The following ARHGAP42 variants were observed in gnomAD, a reference collection of about 807,000 sequenced individuals.
ARHGAP42 encodes Rho GTPase activating protein 42.
In ARHGAP42, 63 loss-of-function variants were observed where a neutral mutation model predicts 125.0. That is an observed-to-expected ratio of 0.50 (90% CI 0.41 to 0.62). The LOEUF (loss-of-function observed/expected upper bound fraction) is 0.62. ARHGAP42 is among the 20% of genes least tolerant of loss of function. ARHGAP42 has a pLI of 0.00. For missense variants in ARHGAP42, 766 were observed against 1,024.2 expected (o/e 0.75, Z 3.44); for synonymous variants, 339 against 351.0 (o/e 0.97, Z 0.38).
intron 10 of ARHGAP42, among the ~76,000 whole-genome samples, chr11:100,947,250 T>C (rs1868048142): frequency 6.6e-6 from 1 of 151,974 alleles, no homozygotes; most frequent in African/African-American, 2.4e-5. Context: ...TCCTAAATGG[T>C]TAAGACTACT....
At chr11:100,932,223 G>A (rs567405927) in intron 6 of ARHGAP42, among the ~76,000 whole-genome samples, 18 of 152,122 alleles carry the variant, frequency 1.2e-4, no homozygotes, top group African/African-American at 2.4e-4. Flanking sequence ...AGGTGGCTGC[G>A]TGTTATTTAC....
At chr11:100,888,529 A>G (rs1000773941) in intron 4 of ARHGAP42, among the ~76,000 whole-genome samples, 2 of 152,214 alleles carry the variant, frequency 1.3e-5, no homozygotes, top group African/African-American at 4.8e-5. Flanking sequence ...TTTTCTAAGT[A>G]CATATGGAAA....
intron 13 of ARHGAP42, among the ~76,000 whole-genome samples, chr11:100,960,202 G>A (rs576669915): frequency 6.7e-6 from 1 of 149,300 alleles, no homozygotes; most frequent in South Asian, 2.1e-4. Context: ...GAGAAGCCCT[G>A]CATTATTTAT....
At chr11:100,734,814 GT>G (rs1862031635) in intron 1 of ARHGAP42, among the ~76,000 whole-genome samples, 1 of 152,186 alleles carries the variant, frequency 6.6e-6, no homozygotes, top group South Asian at 2.1e-4. Context: ...GAAGCTGTCA[GT>G]TTTTTAATCT....
At chr11:100,730,153 A>G (rs2120302021) in intron 1 of ARHGAP42, among the ~76,000 whole-genome samples, 1 of 152,190 alleles carries the variant, frequency 6.6e-6, no homozygotes, top group Admixed American at 6.5e-5. Context: ...ACAAGGTGGT[A>G]GTTTTCTATT....
chr11:100,982,360 A>T (rs1237966349), intron 22 of ARHGAP42, among the ~76,000 whole-genome samples: 1 of 152,128 alleles, frequency 6.6e-6, no homozygotes, highest in Non-Finnish European at 1.5e-5. Context: ...GACCTTATAA[A>T]CCACAATGTC....
chr11:100,755,672 A>G (rs1190763313), intron 1 of ARHGAP42, among the ~76,000 whole-genome samples: 2 of 152,176 alleles, frequency 1.3e-5, no homozygotes, highest in African/African-American at 4.8e-5. Flanking sequence ...CATCTGCCAA[A>G]AACAAACCCA....
chr11:100,909,409 G>T (rs1410298224), intron 4 of ARHGAP42, among the ~76,000 whole-genome samples: 1 of 148,788 alleles, frequency 6.7e-6, no homozygotes, highest in African/African-American at 2.5e-5. Context: ...GCAGTGGCGC[G>T]ATCTTGGCTC....
At chr11:100,883,110 G>C (rs1865999778) in intron 4 of ARHGAP42, among the ~76,000 whole-genome samples, 2 of 151,752 alleles carry the variant, frequency 1.3e-5, no homozygotes, top group Non-Finnish European at 2.9e-5. Context: ...TTTTGGATTG[G>C]AATCACCAGA....
intron 3 of ARHGAP42, among the ~76,000 whole-genome samples, chr11:100,828,676 GCTTTTCTGTTTGT>G (rs1269622732): frequency 6.6e-6 from 1 of 151,578 alleles, no homozygotes; most frequent in Admixed American, 6.6e-5. Context: ...GAAAGATACT[GCTTTTCTGTTTGT>G]CTTTTTTTTT....
intron 4 of ARHGAP42, among the ~76,000 whole-genome samples, chr11:100,874,543 A>G (rs1209036621): frequency 6.6e-6 from 1 of 152,134 alleles, no homozygotes; most frequent in East Asian, 1.9e-4. Flanking sequence ...GTAAGCTCCC[A>G]CTGAATACCA....
Position 100,988,749 on chromosome 11 carries a change from C to T in ARHGAP42, c.2573C>T (p.Thr858Ile). 1 of 1,550,498 alleles carries T rather than the reference C, an allele frequency of 6.4e-7. No individual in the cohort carries two copies. Among genetic ancestry groups the T allele is most frequent in the South Asian group, 1.2e-5 (1 of 83,992 alleles). The stretch of plus-strand genomic sequence containing the variant: ...GTGGAACCAGGATGGTTAAAGGCAA[C>T]TTATGAAGGCAAAACAGGACTAGTT... The part of the protein sequence containing the change: ...PSVEPGWLKA[T>I]YEGKTGLVPE... Residue 858 changes from threonine (T) to isoleucine (I), a missense_variant, in exon 24 of 24, where the codon ACT becomes ATT. By Grantham distance (89) the Thr-to-Ile change is moderately conservative (BLOSUM62 -1). This residue lies in a region of ARHGAP42 where 308 missense variants were observed against 369.7 expected (regional missense o/e 0.83). Coordinates refer to ENST00000298815, the MANE Select transcript of ARHGAP42 (RefSeq NM_152432.4).
chr11:100,691,112 T>C (rs1210837099), intron 1 of ARHGAP42, among the ~76,000 whole-genome samples: 1 of 152,208 alleles, frequency 6.6e-6, no homozygotes, highest in Non-Finnish European at 1.5e-5. Context: ...GCTCATTTTG[T>C]TATATGCCAC....
At chr11:100,756,811 G>A (rs947556897) in intron 1 of ARHGAP42, among the ~76,000 whole-genome samples, 7 of 152,222 alleles carry the variant, frequency 4.6e-5, no homozygotes, top group African/African-American at 1.7e-4. Context: ...ACAGCAGGCA[G>A]TTGCTCTCTG....
chr11:100,915,641 T>C (rs531616077), intron 5 of ARHGAP42, among the ~76,000 whole-genome samples: 34 of 152,352 alleles, frequency 2.2e-4, no homozygotes, highest in Middle Eastern at 6.8e-3. Context: ...TAGCTTAGGC[T>C]ATGGTATAAT....
chr11:100,770,211 T>A (rs1467710002), intron 1 of ARHGAP42, 132 bp from the exon 2 acceptor site: 1 of 627,230 alleles, frequency 1.6e-6, no homozygotes, highest in African/African-American at 1.9e-5. Flanking sequence ...CTGGTTAAAT[T>A]AGTCAAACTG....
At chr11:100,758,289 T>G (rs1862621617) in intron 1 of ARHGAP42, among the ~76,000 whole-genome samples, 1 of 152,228 alleles carries the variant, frequency 6.6e-6, no homozygotes, top group Non-Finnish European at 1.5e-5. Flanking sequence ...ATGTTTTTGT[T>G]AAGGCATGCT....
intron 4 of ARHGAP42, among the ~76,000 whole-genome samples, chr11:100,883,407 A>C (rs1368689245): frequency 6.6e-6 from 1 of 152,014 alleles, no homozygotes; most frequent in African/African-American, 2.4e-5. Flanking sequence ...GTGGTGTGTG[A>C]TCTTGGCTCA....
At chr11:100,865,144 G>A (rs1037433055) in intron 4 of ARHGAP42, among the ~76,000 whole-genome samples, 3 of 152,120 alleles carry the variant, frequency 2.0e-5, no homozygotes, top group Non-Finnish European at 4.4e-5. Context: ...AGACTGTAAT[G>A]GAAACTGATA....
Sources: gnomAD v4.1 joint callset for allele counts (sites outside exome capture counted in the v4.1 genomes callset) on GRCh38, gnomAD v4.1.1 for gene constraint, gnomAD v4.1.1 regional missense constraint, MANE v1.5 for transcripts, NCBI Gene and HGNC (gene_info 2026-07-23, HGNC 2026-07-21) for gene names.